The following CPQ variants were observed in gnomAD, a reference collection of about 807,000 sequenced individuals.
The protein encoded by CPQ is carboxypeptidase Q, also known as Ser-Met dipeptidase.
A neutral mutation model predicts 45.7 loss-of-function variants in CPQ; 37 were observed. The observed-to-expected ratio is 0.81, with a 90% confidence interval of 0.62 to 1.07. The LOEUF (loss-of-function observed/expected upper bound fraction) is 1.07, where lower values mean the gene tolerates loss of function less well. Among genes scored for constraint, CPQ ranks in the 50% least tolerant of loss-of-function variants. The probability of loss-of-function intolerance (pLI) is 0.00; values close to 1 mark genes in which losing one functional copy is unlikely to be tolerated. For missense variants in CPQ, 537 were observed against 572.9 expected (o/e 0.94, Z 0.64); for synonymous variants, 186 against 205.8 (o/e 0.90, Z 0.82).
intron 6 of CPQ, among the ~76,000 whole-genome samples, chr8:97,065,375 C>T (rs935353909): frequency 4.6e-5 from 7 of 152,146 alleles, no homozygotes; most frequent in Admixed American, 3.3e-4. Context: ...GGCCTGGCAG[C>T]GTTGCCTGGA....
chr8:96,738,044 T>C (rs1309852686), intron 1 of CPQ, among the ~76,000 whole-genome samples: 2 of 152,202 alleles, frequency 1.3e-5, no homozygotes, highest in African/African-American at 4.8e-5. Flanking sequence ...TAGTTCGTTT[T>C]GCTGCTGATT....
chr8:96,671,355 G>C (rs938914479), intron 1 of CPQ, among the ~76,000 whole-genome samples: 9 of 152,200 alleles, frequency 5.9e-5, no homozygotes, highest in Non-Finnish European at 1.2e-4. Context: ...GTATGTCTGA[G>C]AGAGTAAACA....
At chr8:96,924,308 T>C (rs1460587715) in intron 4 of CPQ, among the ~76,000 whole-genome samples, 1 of 152,200 alleles carries the variant, frequency 6.6e-6, no homozygotes, top group South Asian at 2.1e-4. Context: ...CTCTATGTAA[T>C]GTGCAGAAAC....
intron 3 of CPQ, among the ~76,000 whole-genome samples, chr8:96,850,519 C>T (rs966050234): frequency 1.3e-5 from 2 of 151,828 alleles, no homozygotes; most frequent in African/African-American, 2.4e-5. Flanking sequence ...TTCTGATGCT[C>T]GTAAATACTC....
At chr8:96,662,531 G>A (rs1261863567) in intron 1 of CPQ, among the ~76,000 whole-genome samples, 2 of 152,088 alleles carry the variant, frequency 1.3e-5, no homozygotes, top group Non-Finnish European at 2.9e-5. Context: ...CTTAAAGCTG[G>A]CATAATTAGG....
chr8:96,973,779 T>A (rs146564462), intron 5 of CPQ, among the ~76,000 whole-genome samples: 5,469 of 152,206 alleles, frequency 0.036, 333 homozygotes, highest in African/African-American at 0.12. Context: ...CTAAGCTTCA[T>A]AAATGAAGGA....
At chr8:96,876,754 C>T (rs933643421) in intron 3 of CPQ, among the ~76,000 whole-genome samples, 2 of 152,110 alleles carry the variant, frequency 1.3e-5, no homozygotes, top group African/African-American at 4.8e-5. Context: ...GTTAAATCAA[C>T]TTTGTGTTCC....
chr8:96,900,466 T>C (rs180871384), intron 4 of CPQ, among the ~76,000 whole-genome samples: 164 of 152,232 alleles, frequency 1.1e-3, no homozygotes, highest in African/African-American at 3.8e-3. Flanking sequence ...GGAGGATAGA[T>C]AGATGGGATA....
intron 6 of CPQ, among the ~76,000 whole-genome samples, chr8:97,059,998 G>C (rs1810520323): frequency 6.6e-6 from 1 of 152,074 alleles, no homozygotes; most frequent in South Asian, 2.1e-4. Context: ...CAAATTCAAA[G>C]ACATGTTGAG....
intron 1 of CPQ, among the ~76,000 whole-genome samples, chr8:96,764,683 C>A (rs1196945777): frequency 6.6e-6 from 1 of 152,064 alleles, no homozygotes; most frequent in African/African-American, 2.4e-5. Context: ...AATGTTCAGG[C>A]CTATTAAAAT....
chr8:96,655,128 T>G (rs562672674), intron 1 of CPQ, among the ~76,000 whole-genome samples: 2 of 152,240 alleles, frequency 1.3e-5, no homozygotes, highest in South Asian at 4.1e-4. Context: ...AATTTTAGGG[T>G]TATTTTTTCT....
intron 2 of CPQ, among the ~76,000 whole-genome samples, chr8:96,803,249 C>A (rs936868825): frequency 2.0e-5 from 3 of 152,210 alleles, no homozygotes; most frequent in Non-Finnish European, 2.9e-5. Flanking sequence ...CCTTTCTGCT[C>A]TATTCAGCCT....
At chr8:97,022,112 C>G (rs978396378) in intron 5 of CPQ, among the ~76,000 whole-genome samples, 1 of 152,002 alleles carries the variant, frequency 6.6e-6, no homozygotes, top group Non-Finnish European at 1.5e-5. Flanking sequence ...TCAACAAAGC[C>G]AACAAAAACG....
Position 97,013,503 on chromosome 8 carries a change from A to G in CPQ, c.962-15900A>G, listed in dbSNP as rs1392914055. ...CTACATTAATCATAATTAACTGCCA[A>G]ATGGTTAGAACAGAAAATAACAGCT... On this transcript the variant is annotated intron_variant, in intron 5 of 7. Transcript: ENST00000220763. Among the ~76,000 whole-genome samples the G allele has an allele frequency of 2.0e-5, 3 of 152,180 alleles. 1 individual carries two copies. The highest frequency in any genetic ancestry group is 4.1e-4 in the South Asian group (2 of 4,834).
intron 6 of CPQ, among the ~76,000 whole-genome samples, chr8:97,038,833 A>C (rs1309733187): frequency 1.5e-5 from 2 of 136,896 alleles, no homozygotes; most frequent in Admixed American, 7.4e-5. Context: ...TACAAAAAAA[A>C]AAAAAAAAAA....
In CPQ at chr8:97,005,000, T is replaced by C. The variant is rs569364862; in HGVS notation, c.962-24403T>C. 1.3e-4 allele frequency among the ~76,000 whole-genome samples: 20 copies of C among 152,258 alleles called. 1 individual carries two copies. Among genetic ancestry groups the C allele is most frequent in the Admixed American group, 9.8e-4 (15 of 15,284 alleles). ...GAAGAAAAATTGAATTAAAATAAAT[T>C]TTTATGGGGCTGAAGAAAAGGCCTC... On this transcript the variant is annotated intron_variant, in intron 5 of 7. Coordinates refer to ENST00000220763, the MANE Select transcript of CPQ (RefSeq NM_016134.4).
At chr8:97,000,033 A>G (rs887934383) in intron 5 of CPQ, among the ~76,000 whole-genome samples, 5 of 150,286 alleles carry the variant, frequency 3.3e-5, no homozygotes, top group African/African-American at 1.2e-4. Context: ...GGCTTCATGT[A>G]TGTCTTCTTT....
At chr8:96,807,976 T>A (rs1400326203) in intron 2 of CPQ, among the ~76,000 whole-genome samples, 1 of 152,230 alleles carries the variant, frequency 6.6e-6, no homozygotes, top group Admixed American at 6.5e-5. Flanking sequence ...GGATTCACAC[T>A]TCTCAAAGAA....
At chr8:96,832,270 G>T (rs550732629) in intron 2 of CPQ, among the ~76,000 whole-genome samples, 20 of 152,204 alleles carry the variant, frequency 1.3e-4, no homozygotes, top group Admixed American at 1.3e-3. Flanking sequence ...GGCCTCTTTT[G>T]CTTGGTTATT....
Sources: allele counts gnomAD v4.1 joint callset (sites outside exome capture counted in the v4.1 genomes callset), GRCh38; gene constraint gnomAD v4.1.1; transcripts MANE v1.5; gene names NCBI Gene and HGNC (gene_info 2026-07-23, HGNC 2026-07-21).